Variants in CAMTA1 observed in about 807,000 individuals in gnomAD.
CAMTA1 encodes the protein calmodulin-binding transcription activator 1.
In CAMTA1, 27 loss-of-function variants were observed where a neutral mutation model predicts 170.9. The observed-to-expected ratio is 0.16, with a 90% CI of 0.12 to 0.22. The LOEUF is 0.22. CAMTA1 is among the 10% of genes least tolerant of loss of function. The probability of loss-of-function intolerance (pLI) is 1.00; values close to 1 mark genes in which losing one functional copy is unlikely to be tolerated. For synonymous variants in CAMTA1, 833 were observed against 891.5 expected (o/e 0.93, Z 1.17); for missense variants, 1,619 against 2,217.2 (o/e 0.73, Z 5.42).
At position 7,010,099 on chromosome 1, in the gene CAMTA1, G is replaced by C. The variant is rs1428167104; in HGVS notation, c.235-81205G>C. On this transcript the variant is annotated intron_variant, in intron 3 of 22. Transcript: ENST00000303635. The surrounding 1 kb of genome is among the most constrained non-coding windows in gnomAD (Gnocchi z 4.4). ...AGGGGTTGGTTGGTTTGTTTCTTCT[G>C]GATTTGGATTTGTCCCCAGGACAGA... Among the ~76,000 whole-genome samples the C allele has an allele frequency of 2.6e-5, 4 of 152,214 alleles. No individual in the cohort carries two copies. Among genetic ancestry groups the C allele is most frequent in the Non-Finnish European group, 4.4e-5 (3 of 68,034 alleles).
intron 4 of CAMTA1, among the ~76,000 whole-genome samples, chr1:7,127,247 CTTTTTTTTTTTTT>C (rs61211407): frequency 4.1e-5 from 3 of 73,500 alleles, no homozygotes; most frequent in African/African-American, 5.6e-5. Flanking sequence ...GCCAGAGGGG[CTTTTTTTTTTTTT>C]TTTTTTTTTT....
At chr1:7,193,946 A>G (rs1474261194) in intron 4 of CAMTA1, among the ~76,000 whole-genome samples, 1 of 152,206 alleles carries the variant, frequency 6.6e-6, no homozygotes, top group Non-Finnish European at 1.5e-5. Flanking sequence ...AGACAGCAAC[A>G]GAACAGTGGT....
intron 22 of CAMTA1, among the ~76,000 whole-genome samples, chr1:7,756,384 A>T (rs113266995): frequency 0.018 from 2,777 of 152,304 alleles, 46 homozygotes; most frequent in Non-Finnish European, 0.029. Context: ...AAGAGCAGGG[A>T]TTCCAATAGG....
intron 5 of CAMTA1, among the ~76,000 whole-genome samples, chr1:7,327,860 G>A (rs2082786519): frequency 6.6e-6 from 1 of 152,024 alleles, no homozygotes; most frequent in South Asian, 2.1e-4. Context: ...CTCAGGTTTT[G>A]TTTTGTTATT....
intron 6 of CAMTA1, among the ~76,000 whole-genome samples, chr1:7,495,078 C>T (rs2093804842): frequency 6.6e-6 from 1 of 152,130 alleles, no homozygotes; most frequent in South Asian, 2.1e-4. Flanking sequence ...GTGGCTGCCC[C>T]CGTCGTTTAA....
chr1:7,170,238 G>A (rs960415350), intron 4 of CAMTA1, among the ~76,000 whole-genome samples: 2 of 150,100 alleles, frequency 1.3e-5, no homozygotes, highest in African/African-American at 4.9e-5. Context: ...CCTTCAGTTC[G>A]CAATGTTTTT....
At chr1:7,716,704 G>A (rs2096612556) in intron 11 of CAMTA1, among the ~76,000 whole-genome samples, 1 of 152,198 alleles carries the variant, frequency 6.6e-6, no homozygotes, top group African/African-American at 2.4e-5. Flanking sequence ...GCCAATAGCA[G>A]TCCTAAATAA....
chr1:7,159,057 G>A (rs781152561), intron 4 of CAMTA1, among the ~76,000 whole-genome samples: 1 of 151,726 alleles, frequency 6.6e-6, no homozygotes, highest in Admixed American at 6.6e-5. Flanking sequence ...GAAGTGTTAC[G>A]TACTATTTTT....
At chr1:7,023,328 C>T (rs1225286596) in intron 3 of CAMTA1, among the ~76,000 whole-genome samples, 2 of 152,200 alleles carry the variant, frequency 1.3e-5, no homozygotes. Context: ...GATGATTCCT[C>T]AACACAAGGC....
intron 3 of CAMTA1, among the ~76,000 whole-genome samples, chr1:7,001,567 G>A (rs939121884): frequency 8.5e-5 from 13 of 152,212 alleles, no homozygotes; most frequent in Non-Finnish European, 1.3e-4. Flanking sequence ...CCATGAGGGC[G>A]TTTCTGATAT....
At position 7,372,454 on chromosome 1, in the gene CAMTA1, C is replaced by T. The variant is rs140473457; in HGVS notation, c.439-95376C>T. On this transcript the variant is annotated intron_variant, in intron 5 of 22. Transcript: ENST00000303635. Reference sequence around the variant, plus strand: ...AAGCTCAAAAGTATCCACATCCTACCCCACCGTCTAGTCGAGCTGCACGTC... The same window carrying T: ...AAGCTCAAAAGTATCCACATCCTACTCCACCGTCTAGTCGAGCTGCACGTC... 6.8e-3 allele frequency among the ~76,000 whole-genome samples: 1,032 copies of T among 152,264 alleles called. 7 individuals carry two copies. The highest frequency in any genetic ancestry group is 0.014 in the Middle Eastern group (4 of 294).
At chr1:7,471,006 T>C (rs1011715942) in intron 6 of CAMTA1, among the ~76,000 whole-genome samples, 4 of 152,216 alleles carry the variant, frequency 2.6e-5, no homozygotes, top group African/African-American at 7.2e-5. Flanking sequence ...CATGTTCTGC[T>C]GTGGTGACGT....
chr1:7,649,805 G>T (rs527349894), intron 7 of CAMTA1, among the ~76,000 whole-genome samples: 1 of 152,174 alleles, frequency 6.6e-6, no homozygotes, highest in East Asian at 1.9e-4. Context: ...CTGGTGTTGG[G>T]GATACAGGAC....
intron 3 of CAMTA1, among the ~76,000 whole-genome samples, chr1:7,085,390 G>T (rs1419290266): frequency 6.6e-6 from 1 of 152,250 alleles, no homozygotes; most frequent in East Asian, 1.9e-4. Context: ...CTTCAGCTCT[G>T]CTGTGTCAGC....
At chr1:7,196,254 TG>T (rs1655513633) in intron 4 of CAMTA1, among the ~76,000 whole-genome samples, 1 of 152,162 alleles carries the variant, frequency 6.6e-6, no homozygotes, top group Non-Finnish European at 1.5e-5. Flanking sequence ...GCTTCCCCTT[TG>T]CCTTCTGCCA....
intron 5 of CAMTA1, among the ~76,000 whole-genome samples, chr1:7,408,786 G>A (rs2090487164): frequency 6.6e-6 from 1 of 152,222 alleles, no homozygotes; most frequent in Admixed American, 6.5e-5. Flanking sequence ...TGATCATCTA[G>A]TTCATCTCTC....
intron 5 of CAMTA1, among the ~76,000 whole-genome samples, chr1:7,385,764 CA>C (rs1306203201): frequency 6.6e-6 from 1 of 152,222 alleles, no homozygotes; most frequent in East Asian, 1.9e-4. Flanking sequence ...CACTTTCTCC[CA>C]AAGCTCAGCT....
chr1:6,914,089 G>T (rs904558841), intron 3 of CAMTA1, among the ~76,000 whole-genome samples: 2 of 149,476 alleles, frequency 1.3e-5, no homozygotes, highest in East Asian at 2.0e-4. Context: ...TTGCAAAAAG[G>T]CAGGGCTCAT....
At chr1:6,994,440 G>A (rs1449730672) in intron 3 of CAMTA1, among the ~76,000 whole-genome samples, 6 of 152,178 alleles carry the variant, frequency 3.9e-5, no homozygotes, top group African/African-American at 7.2e-5. Flanking sequence ...TTCACTGGGT[G>A]TAGAATTCTG....
Sources: allele counts gnomAD v4.1 joint callset (sites outside exome capture counted in the v4.1 genomes callset), GRCh38; gene constraint gnomAD v4.1.1; non-coding constraint Gnocchi (gnomAD v3.1); transcripts MANE v1.5; gene names NCBI Gene and HGNC (gene_info 2026-07-23, HGNC 2026-07-21).